Variants in SCN10A observed in about 807,000 individuals in gnomAD.
The protein encoded by SCN10A is sodium channel protein type 10 subunit alpha.
SCN10A carries 162 observed loss-of-function variants against 170.7 expected under a neutral mutation model. The ratio of observed to expected loss-of-function variants is 0.95; its 90% CI spans 0.84 to 1.08. The LOEUF is 1.08. Ranked by LOEUF, SCN10A falls within the 50% of genes least tolerant of loss-of-function variation. SCN10A has a pLI of 0.00. For synonymous variants in SCN10A, 985 were observed against 904.6 expected (o/e 1.09, Z -1.59); for missense variants, 2,527 against 2,436.9 (o/e 1.04, Z -0.78).
At chr3:38,780,371 A>AT (rs1015248655) in intron 4 of SCN10A, among the ~76,000 whole-genome samples, 6 of 151,816 alleles carry the variant, frequency 4.0e-5, no homozygotes, top group African/African-American at 1.2e-4. Context: ...CGTGAGGAGT[A>AT]TTTTTTTTAT....
intron 21 of SCN10A, 107 bp from the exon 22 acceptor site, chr3:38,714,187 G>A (rs2063307491): frequency 2.2e-6 from 3 of 1,368,162 alleles, no homozygotes; most frequent in Non-Finnish European, 1.0e-6. Flanking sequence ...ACACGTCTAA[G>A]CCATCATCCT....
chr3:38,769,211 A>G (rs1486960842), intron 5 of SCN10A, among the ~76,000 whole-genome samples: 1 of 149,684 alleles, frequency 6.7e-6, no homozygotes, highest in African/African-American at 2.5e-5. Context: ...TGTCTCCTTG[A>G]ATCACTTAAT....
chr3:38,761,339 G>T lies in SCN10A; in HGVS notation c.736C>A (p.Leu246Met). 6.2e-7 allele frequency: 1 copy of T among 1,613,800 alleles called. No homozygotes were observed. The highest frequency in any genetic ancestry group is 8.5e-7 in the Non-Finnish European group (1 of 1,179,814). ...ATGGTGAGGATGGTCACATCAGCCA[G>T]TTTCTTCACTGAGTGAATCAGGGCC... Reference protein sequence around the residue: ...VGALIHSVKKLADVTILTIFC... With the variant: ...VGALIHSVKKMADVTILTIFC... The change falls in exon 7 of 28, where the codon CTG becomes ATG. Residue 246 changes from leucine (L) to methionine (M), a missense_variant. By Grantham distance (15) the Leu-to-Met change is conservative (BLOSUM62 2). Coordinates refer to ENST00000449082, the MANE Select transcript of SCN10A (RefSeq NM_006514.4).
chr3:38,733,955 G>T (rs999456603), intron 15 of SCN10A, among the ~76,000 whole-genome samples: 2 of 151,572 alleles, frequency 1.3e-5, no homozygotes, highest in Non-Finnish European at 2.9e-5. Flanking sequence ...CCCGACCTCA[G>T]GTGATCCGCC....
rs145560590 is a variant in SCN10A, at chr3:38,786,909, A to G, written c.470+2047T>C. On this transcript the variant is annotated intron_variant, in intron 4 of 27. Transcript: ENST00000449082. ...CTTACACCAATGGCACACTGCTTCAATTAGAGCTTTATAGTAAATCTCGAC... is the reference window on the plus strand; with the variant it reads ...CTTACACCAATGGCACACTGCTTCAGTTAGAGCTTTATAGTAAATCTCGAC... Among the ~76,000 whole-genome samples the G allele has an allele frequency of 3.2e-3, 493 of 152,296 alleles. 4 individuals carry two copies. The highest frequency in any genetic ancestry group is 8.9e-3 in the African/African-American group (369 of 41,568).
intron 1 of SCN10A, among the ~76,000 whole-genome samples, chr3:38,798,297 G>C (rs2126063603): frequency 6.6e-6 from 1 of 152,198 alleles, no homozygotes; most frequent in South Asian, 2.1e-4. Flanking sequence ...CGGTTGTCCT[G>C]GGATTTTAAC....
rs567641815 is a variant in SCN10A at position 38,745,196 on chromosome 3, G to A, written c.1868-2667C>T. Among the ~76,000 whole-genome samples the A allele has an allele frequency of 2.6e-5, 4 of 152,316 alleles. No homozygotes were observed. The South Asian group carries it at 8.3e-4, about 32-fold the overall frequency. On this transcript the variant is annotated intron_variant, in intron 13 of 27. Coordinates refer to ENST00000449082, the MANE Select transcript of SCN10A (RefSeq NM_006514.4). ...GAACTTGATTGATTGCAGAGACACA[G>A]AGACTAAAAGTATCTACTTGCCAGC...
chr3:38,718,841 G>C lies in SCN10A; in HGVS notation c.3508-15C>G, dbSNP rs753803834. The C allele has an allele frequency of 1.2e-6, 2 of 1,612,910 alleles. No homozygotes were observed. The highest frequency in any genetic ancestry group is 1.7e-6 in the Non-Finnish European group (2 of 1,179,348). On this transcript the variant is annotated splice_polypyrimidine_tract_variant and intron_variant, in intron 20 of 27. Transcript: ENST00000449082. ...TCTTCAAAGGCCTGGAAGGAAGAAA[G>C]GATGCAGAATGGCAGGCTGCCTGGA...
rs529251876 is a variant in SCN10A, at chr3:38,702,164, A to G, written c.4387-55T>C. 90 of 1,499,754 alleles carry G rather than the reference A, an allele frequency of 6.0e-5. 1 individual carries two copies. In the South Asian group the frequency reaches 1.2e-3, roughly 19 times the overall value. 92.9% of individuals were successfully genotyped at this position (1,499,754 alleles called of 1,614,324 possible). On this transcript the variant is annotated intron_variant, in intron 26 of 27. Coordinates refer to ENST00000449082, the MANE Select transcript of SCN10A (RefSeq NM_006514.4). ...GCCTTTGGGCCAGCACAAACCAGGC[A>G]TCTGTGTTATCTGTAGATGAGTTTT...
chr3:38,771,906 C>T (rs1001661119), intron 4 of SCN10A, among the ~76,000 whole-genome samples: 1 of 152,174 alleles, frequency 6.6e-6, no homozygotes, highest in Admixed American at 6.5e-5. Flanking sequence ...CTGCTTGGAA[C>T]TTAGAGATGC....
At chr3:38,765,089 T>C (rs1329301306) in intron 5 of SCN10A, among the ~76,000 whole-genome samples, 2 of 152,162 alleles carry the variant, frequency 1.3e-5, no homozygotes, top group East Asian at 3.8e-4. Context: ...TATTTGTGTT[T>C]CTTATAGATG....
At chr3:38,719,380 T>C (rs1235383331) in intron 20 of SCN10A, among the ~76,000 whole-genome samples, 5 of 31,646 alleles carry the variant, frequency 1.6e-4, no homozygotes, top group African/African-American at 1.6e-3. Context: ...TTTTTTTTTT[T>C]TTTTTTTTTT....
At chr3:38,803,976 C>T (rs1243620680) in intron 1 of SCN10A, among the ~76,000 whole-genome samples, 2 of 152,082 alleles carry the variant, frequency 1.3e-5, no homozygotes, top group Non-Finnish European at 2.9e-5. Flanking sequence ...TCCAATCCAC[C>T]ATCAGCTCTT....
intron 13 of SCN10A, among the ~76,000 whole-genome samples, chr3:38,745,435 T>C (rs1575991682): frequency 6.6e-6 from 1 of 152,214 alleles, no homozygotes; most frequent in East Asian, 1.9e-4. Context: ...TTCTCCCAGA[T>C]CCTTCCCATT....
chr3:38,731,134 C>T (rs1174918169), intron 15 of SCN10A, among the ~76,000 whole-genome samples: 1 of 152,168 alleles, frequency 6.6e-6, no homozygotes, highest in African/African-American at 2.4e-5. Context: ...GAAGGAATAA[C>T]AGTTAAATTG....
At chr3:38,722,518 C>T (rs1217543714) in intron 19 of SCN10A, 106 bp from the exon 20 acceptor site, 3 of 1,355,906 alleles carry the variant, frequency 2.2e-6, no homozygotes, top group African/African-American at 1.5e-5. Flanking sequence ...ACTTGTCATG[C>T]CCTTGGAAAA....
At chr3:38,773,246 C>G (rs1316189020) in intron 4 of SCN10A, among the ~76,000 whole-genome samples, 1 of 152,064 alleles carries the variant, frequency 6.6e-6, no homozygotes, top group African/African-American at 2.4e-5. Context: ...GCAGGAGGAT[C>G]ACTTGAACCC....
Position 38,761,390 on chromosome 3 carries a change from G to A in SCN10A, c.692-7C>T, listed in dbSNP as rs754632333. 20 of 1,610,660 alleles carry A rather than the reference G, an allele frequency of 1.2e-5. No individual in the cohort carries two copies. Among genetic ancestry groups the A allele is most frequent in the Admixed American group, 6.7e-5 (4 of 59,876 alleles). ...CCCACAATGACCTTCAGGCCTGCGG[G>A]AAGATGACAGTGGTATGACCACATG... On this transcript the variant is annotated splice_region_variant and splice_polypyrimidine_tract_variant and intron_variant, in intron 6 of 27. Transcript: ENST00000449082.
intron 4 of SCN10A, among the ~76,000 whole-genome samples, chr3:38,786,921 T>C (rs1037750270): frequency 3.3e-5 from 5 of 152,214 alleles, no homozygotes; most frequent in Non-Finnish European, 7.3e-5. Context: ...TAGAGCTTTA[T>C]AGTAAATCTC....
Sources: allele counts gnomAD v4.1 joint callset (sites outside exome capture counted in the v4.1 genomes callset), GRCh38; gene constraint gnomAD v4.1.1; transcripts MANE v1.5; gene names NCBI Gene and HGNC (gene_info 2026-07-23, HGNC 2026-07-21).